GDAP1: variants seen among roughly 807,000 people sequenced by gnomAD.
The protein encoded by GDAP1 is ganglioside-induced differentiation-associated protein 1.
In GDAP1, 34 loss-of-function variants were observed where a neutral mutation model predicts 40.1. The ratio of observed to expected loss-of-function variants is 0.85; its 90% CI spans 0.64 to 1.13. The LOEUF (loss-of-function observed/expected upper bound fraction) is 1.13. Ranked by LOEUF, GDAP1 falls within the 50% of genes most tolerant of loss-of-function variation. The pLI is 0.00. For missense variants in GDAP1, 374 were observed against 433.7 expected (o/e 0.86, Z 1.22); for synonymous variants, 170 against 157.4 (o/e 1.08, Z -0.60).
intron 2 of GDAP1, among the ~76,000 whole-genome samples, chr8:74,426,454 A>G (rs1805948824): frequency 6.6e-6 from 1 of 152,246 alleles, no homozygotes; most frequent in African/African-American, 2.4e-5. Flanking sequence ...GGGATACAAC[A>G]TTGCATTTAG....
intron 2 of GDAP1, among the ~76,000 whole-genome samples, chr8:74,400,731 C>A (rs933359610): frequency 6.7e-6 from 1 of 149,318 alleles, no homozygotes; most frequent in African/African-American, 2.6e-5. Flanking sequence ...TTCAGGAGCT[C>A]TTTTAGGGCA....
chr8:74,429,402 A>G (rs1563467588), intron 2 of GDAP1, among the ~76,000 whole-genome samples: 1 of 152,204 alleles, frequency 6.6e-6, no homozygotes, highest in African/African-American at 2.4e-5. Context: ...TCAAAATAGT[A>G]TATGTAATAT....
chr8:74,461,734 A>G (rs992414531), intron 2 of GDAP1, among the ~76,000 whole-genome samples: 6 of 152,236 alleles, frequency 3.9e-5, no homozygotes, highest in Admixed American at 2.0e-4. Flanking sequence ...ACATGCTCAC[A>G]TGGGACCCCA....
chr8:74,350,964 A>G (rs1808836842), intron 1 of GDAP1, among the ~76,000 whole-genome samples: 1 of 152,128 alleles, frequency 6.6e-6, no homozygotes. Context: ...TGATGTACCT[A>G]CATGTCAGGT....
intron 2 of GDAP1, among the ~76,000 whole-genome samples, chr8:74,396,336 GTTCT>G (rs1258995592): frequency 6.7e-6 from 1 of 150,064 alleles, no homozygotes; most frequent in African/African-American, 2.4e-5. Flanking sequence ...TTTTTTTACA[GTTCT>G]TCCTTCCTTT....
intron 2 of GDAP1, among the ~76,000 whole-genome samples, chr8:74,353,976 T>C (rs544219666): frequency 3.3e-5 from 5 of 152,294 alleles, no homozygotes; most frequent in East Asian, 1.9e-4. Context: ...CTGTCTATTA[T>C]GTGCCAGGCA....
chr8:74,361,694 C>T lies in GDAP1; in HGVS notation c.485-190C>T, dbSNP rs142513769. On this transcript the variant is annotated intron_variant, in intron 3 of 5. Transcript: ENST00000220822. ...ACAGGTGTGAGCCACCGCGCCCAGC[C>T]GGCAGATACTCTTATGGTTCCATTT... Among the ~76,000 whole-genome samples the T allele has an allele frequency of 5.6e-3, 854 of 152,270 alleles. 3 individuals are homozygous for T. Among genetic ancestry groups the T allele is most frequent in the Middle Eastern group, 0.014 (4 of 294 alleles).
chr8:74,388,969 A>C (rs535180337), intron 2 of GDAP1, among the ~76,000 whole-genome samples: 1 of 152,216 alleles, frequency 6.6e-6, no homozygotes, highest in South Asian at 2.1e-4. Flanking sequence ...TTGTTGGTTT[A>C]AAGTCTGTTC....
In GDAP1 at chr8:74,366,609, A is replaced by G. The variant is rs1461262543; in HGVS notation, c.*2242A>G. ...TTCCAAAATTTGTATAAATATCACA[A>G]TTAGAAAAATGCCTGAGGTACTAAA... On this transcript the variant is annotated 3_prime_UTR_variant, in exon 6 of 6. Transcript: ENST00000220822. 1.1e-5 allele frequency: 5 copies of G among 453,894 alleles called. No homozygotes were observed. In the East Asian group the frequency reaches 2.1e-4, roughly 19 times the overall value. The allele number at this position is 453,894 out of a possible 1,614,324, so 28.1% of individuals were successfully genotyped here. A position where few individuals can be genotyped will look rare whatever the true frequency, so the allele number is the denominator to read the frequency against.
chr8:74,453,156 AC>A lies in GDAP1; in HGVS notation c.166-35520del, dbSNP rs1203083413. 7.2e-5 allele frequency among the ~76,000 whole-genome samples: 6 copies of A among 83,370 alleles called. 3 individuals carry two copies. The highest frequency in any genetic ancestry group is 1.5e-4 in the Non-Finnish European group (6 of 41,170). The allele number at this position is 83,370 out of a possible 152,430, so 54.7% of individuals were successfully genotyped here. A position where few individuals can be genotyped will look rare whatever the true frequency, so the allele number is the denominator to read the frequency against. ...CAACTTATCATTCAAACTTTGTTTT[AC>A]CTTTAGTGAGCAGCAGCTATAACGT... On this transcript the variant is annotated intron_variant, in intron 2 of 2. Coordinates refer to the GDAP1 transcript ENST00000523640.
At chr8:74,399,474 A>G (rs1810278659) in intron 2 of GDAP1, among the ~76,000 whole-genome samples, 1 of 148,076 alleles carries the variant, frequency 6.8e-6, no homozygotes, top group South Asian at 2.1e-4. Flanking sequence ...CGGTCTATCA[A>G]TTTTGTTGAT....
intron 2 of GDAP1, among the ~76,000 whole-genome samples, chr8:74,409,369 T>G (rs1388410951): frequency 6.7e-6 from 1 of 149,802 alleles, no homozygotes; most frequent in Non-Finnish European, 1.5e-5. Flanking sequence ...CCTTTTTTTC[T>G]GAGACAGAGT....
intron 2 of GDAP1, among the ~76,000 whole-genome samples, chr8:74,481,070 A>G (rs916925967): frequency 6.6e-6 from 1 of 152,246 alleles, no homozygotes; most frequent in African/African-American, 2.4e-5. Flanking sequence ...ATAATTTTAT[A>G]ATAATCCATT....
At chr8:74,354,712 G>T (rs1809022978) in intron 2 of GDAP1, among the ~76,000 whole-genome samples, 1 of 152,192 alleles carries the variant, frequency 6.6e-6, no homozygotes, top group Non-Finnish European at 1.5e-5. Context: ...TGTGATTTCA[G>T]GTTCTTTGAA....
intron 2 of GDAP1, among the ~76,000 whole-genome samples, chr8:74,427,428 G>C (rs1201294646): frequency 6.6e-6 from 1 of 152,112 alleles, no homozygotes. Context: ...CTGATAACTG[G>C]TAGAACCTAT....
chr8:74,464,232 T>C (rs1429713128), intron 2 of GDAP1, among the ~76,000 whole-genome samples: 1 of 152,170 alleles, frequency 6.6e-6, no homozygotes, highest in Non-Finnish European at 1.5e-5. Flanking sequence ...CTGGCACTCA[T>C]AGTTGGCAGA....
chr8:74,379,701 G>T (rs924701905), intron 2 of GDAP1, among the ~76,000 whole-genome samples: 1 of 152,154 alleles, frequency 6.6e-6, no homozygotes, highest in African/African-American at 2.4e-5. Context: ...CAGGGATCTG[G>T]ATCGGTTCAA....
chr8:74,375,733 G>A (rs1013258133), intron 2 of GDAP1, among the ~76,000 whole-genome samples: 2 of 152,084 alleles, frequency 1.3e-5, no homozygotes, highest in Non-Finnish European at 2.9e-5. Context: ...ATAAGGCAAA[G>A]GTATTTACTG....
intron 2 of GDAP1, among the ~76,000 whole-genome samples, chr8:74,442,904 G>A (rs1043658083): frequency 3.3e-5 from 5 of 152,106 alleles, no homozygotes; most frequent in Admixed American, 1.3e-4. Context: ...AAAATTCTAG[G>A]ATTTCATTCA....
Sources: allele counts gnomAD v4.1 joint callset (sites outside exome capture counted in the v4.1 genomes callset), GRCh38; gene constraint gnomAD v4.1.1; transcripts MANE v1.5; gene names NCBI Gene and HGNC (gene_info 2026-07-23, HGNC 2026-07-21).